The following CRYBA4 variants were observed in gnomAD, a reference collection of about 807,000 sequenced individuals.
The protein encoded by CRYBA4 is crystallin beta A4.
Under a neutral mutation model 31.7 loss-of-function variants are expected in CRYBA4, and 30 were observed. That is an observed-to-expected ratio of 0.95 (90% confidence interval 0.71 to 1.28). CRYBA4 has a LOEUF of 1.28. Among genes scored for constraint, CRYBA4 ranks in the 50% most tolerant of loss-of-function variants. The pLI is 0.00. For missense variants in CRYBA4, 225 were observed against 260.7 expected (o/e 0.86, Z 0.94); for synonymous variants, 102 against 102.3 (o/e 1.00, Z 0.02).
chr22:26,602,106 C>A, the CRYBA4 span: 1 of 1,548,180 alleles, frequency 6.5e-7, no homozygotes, highest in African/African-American at 1.4e-5. Context: ...GGGTGTGGAG[C>A]GAGAGAGATG....
rs66906132 is a variant in CRYBA4 at position 26,629,734 on chromosome 22, C to CAAA, written c.444-586_444-584dup. Among the ~76,000 whole-genome samples, 6 of 80,598 alleles carry CAAA rather than the reference C, an allele frequency of 7.4e-5. 2 individuals are homozygous for CAAA. Among genetic ancestry groups the CAAA allele is most frequent in the African/African-American group, 1.2e-4 (3 of 24,232 alleles). The allele number at this position is 80,598 out of a possible 152,430, so 52.9% of individuals were successfully genotyped here. The stretch of plus-strand genomic sequence containing the variant: ...TGGGCAACAGAGTGAGACTCTGTCT[C>CAAA]AAAAAAAAAAAAAAAAAAAAAATCA... On this transcript the variant is annotated intron_variant, in intron 5 of 5. Transcript: ENST00000354760.
the CRYBA4 span, chr22:26,608,103 C>G: frequency 6.2e-7 from 1 of 1,607,286 alleles, no homozygotes; most frequent in Middle Eastern, 1.7e-4. Flanking sequence ...TTTCTCTCTC[C>G]CCTGGCAAGG....
chr22:26,614,473 G>A, the CRYBA4 span, among the ~76,000 whole-genome samples: 1 of 152,170 alleles, frequency 6.6e-6, no homozygotes, highest in Non-Finnish European at 1.5e-5. Context: ...AGGAGACAGG[G>A]ATAAGAACGT....
Position 26,628,444 on chromosome 22 carries a change from A to G in CRYBA4, c.443+14A>G, listed in dbSNP as rs1929818513. 1.2e-6 allele frequency: 2 copies of G among 1,613,470 alleles called. No homozygotes were observed. Among genetic ancestry groups the G allele is most frequent in the Non-Finnish European group, 1.7e-6 (2 of 1,179,538 alleles). On this transcript the variant is annotated intron_variant, in intron 5 of 5. Coordinates refer to ENST00000354760, the MANE Select transcript of CRYBA4 (RefSeq NM_001886.3). Reference sequence around the variant, plus strand: ...CCACTCTGGGGCGTAAGTGTATTCAAGGCTCTACCTGGCAGGGGAGGGGCT... The same window carrying G: ...CCACTCTGGGGCGTAAGTGTATTCAGGGCTCTACCTGGCAGGGGAGGGGCT...
At chr22:26,604,091 C>T in the CRYBA4 span, among the ~76,000 whole-genome samples, 1 of 152,204 alleles carries the variant, frequency 6.6e-6, no homozygotes, top group South Asian at 2.1e-4. Context: ...TCATCATGCA[C>T]TGTTTTAGGC....
upstream of CRYBA4, among the ~76,000 whole-genome samples, chr22:26,620,812 C>T (rs905820296): frequency 6.6e-6 from 1 of 152,140 alleles, no homozygotes; most frequent in Admixed American, 6.5e-5. Flanking sequence ...ATCCACCCAC[C>T]TCGGCCTCCC....
chr22:26,612,109 A>T, the CRYBA4 span: 5 of 1,613,916 alleles, frequency 3.1e-6, no homozygotes, highest in Admixed American at 1.7e-5. Flanking sequence ...ACACGGTCGA[A>T]GCCACGGTCT....
the CRYBA4 span, chr22:26,599,779 G>T: frequency 1.1e-6 from 1 of 871,158 alleles, no homozygotes; most frequent in Non-Finnish European, 1.9e-6. Flanking sequence ...GCAGTCGGCT[G>T]CTCTCTCACT....
At chr22:26,620,453 C>T (rs1929497763), upstream of CRYBA4, among the ~76,000 whole-genome samples, 1 of 152,092 alleles carries the variant, frequency 6.6e-6, no homozygotes, top group South Asian at 2.1e-4. Context: ...TTAAAAGTTA[C>T]CCAGCCAGCA....
the CRYBA4 span, among the ~76,000 whole-genome samples, chr22:26,590,793 A>G: frequency 6.6e-6 from 1 of 152,116 alleles, no homozygotes; most frequent in Non-Finnish European, 1.5e-5. Context: ...ACCCTGCAAA[A>G]AATGCCGAAT....
At chr22:26,610,297 C>T in the CRYBA4 span, among the ~76,000 whole-genome samples, 2 of 152,238 alleles carry the variant, frequency 1.3e-5, no homozygotes, top group Admixed American at 1.3e-4. Flanking sequence ...GGGTTTCAGG[C>T]AGGCAGGCCT....
At chr22:26,610,069 T>C in the CRYBA4 span, among the ~76,000 whole-genome samples, 1 of 152,030 alleles carries the variant, frequency 6.6e-6, no homozygotes, top group South Asian at 2.1e-4. Flanking sequence ...CCCCCTAAAA[T>C]CTCCCCTATC....
At chr22:26,625,885 G>A (rs1929688603) in intron 4 of CRYBA4, among the ~76,000 whole-genome samples, 1 of 151,824 alleles carries the variant, frequency 6.6e-6, no homozygotes, top group Non-Finnish European at 1.5e-5. Context: ...GTTGTGATAG[G>A]AGCCCCTGCC....
At chr22:26,628,551 C>T in intron 5 of CRYBA4, 121 bp downstream of exon 5, 1 of 1,167,020 alleles carries the variant, frequency 8.6e-7, no homozygotes, top group South Asian at 1.4e-5. Context: ...CAGAGGAGAA[C>T]ACTGAGGCAC....
intron 4 of CRYBA4, among the ~76,000 whole-genome samples, chr22:26,627,051 C>T (rs562410000): frequency 1.8e-5 from 2 of 111,926 alleles, no homozygotes; most frequent in Admixed American, 2.3e-4. Context: ...ATTCTGCAAA[C>T]AGTCTAGATA....
At chr22:26,614,404 G>C in the CRYBA4 span, among the ~76,000 whole-genome samples, 1 of 152,082 alleles carries the variant, frequency 6.6e-6, no homozygotes, top group Non-Finnish European at 1.5e-5. Context: ...CAAGCTGGCC[G>C]ACGCTTAGGA....
At chr22:26,616,087 G>A in the CRYBA4 span, 1 of 1,384,082 alleles carries the variant, frequency 7.2e-7, no homozygotes, top group Non-Finnish European at 1.0e-6. Context: ...GGAGGAGGAG[G>A]GAAGGAAGGA....
the CRYBA4 span, among the ~76,000 whole-genome samples, chr22:26,605,642 C>T: frequency 7.7e-6 from 1 of 129,744 alleles, no homozygotes; most frequent in Non-Finnish European, 1.5e-5. Flanking sequence ...CACTACACTC[C>T]AGCCTGGGCA....
In CRYBA4 at chr22:26,623,238, T is replaced by C. The variant is rs755121859; in HGVS notation, c.44T>C (p.Val15Ala). The C allele has an allele frequency of 6.2e-7, 1 of 1,606,520 alleles. No individual in the cohort carries two copies. Among genetic ancestry groups the C allele is most frequent in the East Asian group, 2.2e-5 (1 of 44,776 alleles). The stretch of plus-strand genomic sequence containing the variant: ...CTTTTTTTTTTCCTGGCACAGATGG[T>C]GGTGTGGGATGAGGACGGCTTCCAG... ...CTKSAGPWKMVVWDEDGFQGR... is the reference protein window; with the variant it reads ...CTKSAGPWKMAVWDEDGFQGR... The change falls in exon 3 of 6, where the codon GTG (valine) becomes GCG (alanine). Residue 15 changes from valine to alanine, a missense_variant. Physicochemically the swap from Val to Ala is moderately conservative, Grantham distance 64. Transcript: ENST00000354760.
Sources: allele counts gnomAD v4.1 joint callset (sites outside exome capture counted in the v4.1 genomes callset), GRCh38; gene constraint gnomAD v4.1.1; transcripts MANE v1.5; gene names NCBI Gene and HGNC (gene_info 2026-07-23, HGNC 2026-07-21).